The following TAOK1 variants were observed in gnomAD, a reference collection of about 807,000 sequenced individuals.
TAOK1 encodes serine/threonine-protein kinase TAO1.
Under a neutral mutation model 138.3 loss-of-function variants are expected in TAOK1, and 21 were observed. The observed-to-expected ratio is 0.15, with a 90% confidence interval of 0.11 to 0.22. TAOK1 has a LOEUF of 0.22. Ranked by LOEUF, TAOK1 falls within the 10% of genes least tolerant of loss-of-function variation. The pLI is 1.00. For synonymous variants in TAOK1, 361 were observed against 398.4 expected, an observed-to-expected ratio of 0.91 and a Z score of 1.12; for missense variants, 651 against 1,227.7, an observed-to-expected ratio of 0.53 and a Z score of 7.02.
At chr17:29,440,232 C>G (rs934269926) in intron 1 of TAOK1, among the ~76,000 whole-genome samples, 1 of 152,024 alleles carries the variant, frequency 6.6e-6, no homozygotes, top group Non-Finnish European at 1.5e-5. Context: ...CTAGAAAATT[C>G]TGGTAAGGAA....
chr17:29,468,497 C>T (rs1056062919), intron 3 of TAOK1, among the ~76,000 whole-genome samples: 1 of 151,504 alleles, frequency 6.6e-6, no homozygotes. Context: ...TTATCAGTTT[C>T]TAAAAAATTA....
intron 1 of TAOK1, among the ~76,000 whole-genome samples, chr17:29,423,545 A>T (rs1341118888): frequency 6.6e-6 from 1 of 151,990 alleles, no homozygotes; most frequent in Non-Finnish European, 1.5e-5. Flanking sequence ...TAATGTTATA[A>T]GATTTTCCTG....
At chr17:29,451,721 T>A (rs1322414896) in intron 2 of TAOK1, 41 bp downstream of exon 2, 7 of 1,596,414 alleles carry the variant, frequency 4.4e-6, no homozygotes, top group Non-Finnish European at 6.0e-6. Flanking sequence ...AAAATTTACT[T>A]AATGTCCACT....
chr17:29,533,457 G>A (rs1477348208), intron 18 of TAOK1, among the ~76,000 whole-genome samples: 32 of 151,272 alleles, frequency 2.1e-4, no homozygotes, highest in Non-Finnish European at 3.2e-4. Context: ...GGCAGAGGCT[G>A]CAATCTCGGC....
chr17:29,425,880 TTTG>T (rs1364203506), intron 1 of TAOK1, among the ~76,000 whole-genome samples: 2 of 152,038 alleles, frequency 1.3e-5, no homozygotes, highest in African/African-American at 4.8e-5. Context: ...TTTTGTTTGT[TTTG>T]TTTTGTTTTG....
chr17:29,504,209 G>A (rs1432092784), intron 13 of TAOK1, among the ~76,000 whole-genome samples: 2 of 148,072 alleles, frequency 1.4e-5, no homozygotes, highest in Admixed American at 6.8e-5. Flanking sequence ...CCCAAGAGAT[G>A]GAGGTTGCAG....
intron 12 of TAOK1, among the ~76,000 whole-genome samples, chr17:29,501,658 T>C (rs1413080457): frequency 1.3e-5 from 2 of 151,660 alleles, no homozygotes. Context: ...TTTAAAACAT[T>C]GACTATATTG....
intron 1 of TAOK1, among the ~76,000 whole-genome samples, chr17:29,418,232 A>G (rs911128716): frequency 6.6e-6 from 1 of 151,942 alleles, no homozygotes; most frequent in African/African-American, 2.4e-5. Flanking sequence ...TGCCGAAGCT[A>G]AAGTGCAGTG....
chr17:29,539,691 C>T (rs1445857031), intron 19 of TAOK1, among the ~76,000 whole-genome samples: 4 of 152,152 alleles, frequency 2.6e-5, no homozygotes, highest in African/African-American at 9.7e-5. Context: ...GTACCTCAGC[C>T]TCCCAAAGCT....
chr17:29,456,592 G>T (rs2030382710), intron 2 of TAOK1, among the ~76,000 whole-genome samples: 1 of 150,444 alleles, frequency 6.6e-6, no homozygotes, highest in African/African-American at 2.5e-5. Flanking sequence ...TGGATTTTCA[G>T]ACTGGGGATA....
chr17:29,484,830 C>G (rs1780391312), intron 8 of TAOK1, among the ~76,000 whole-genome samples: 1 of 152,254 alleles, frequency 6.6e-6, no homozygotes, highest in South Asian at 2.1e-4. Flanking sequence ...GTCTCCAACT[C>G]CTCACTTCAG....
chr17:29,418,255 C>T (rs1905317272), intron 1 of TAOK1, among the ~76,000 whole-genome samples: 1 of 152,138 alleles, frequency 6.6e-6, no homozygotes, highest in African/African-American at 2.4e-5. Context: ...GTGATTATAG[C>T]TCACTGAAAC....
intron 1 of TAOK1, among the ~76,000 whole-genome samples, chr17:29,412,181 T>C (rs1324242641): frequency 4.6e-5 from 7 of 152,196 alleles, no homozygotes; most frequent in African/African-American, 1.7e-4. Context: ...TAGCTGGGAC[T>C]ACAGGCATGC....
intron 1 of TAOK1, among the ~76,000 whole-genome samples, chr17:29,431,532 GAAA>G (rs1905831391): frequency 8.2e-5 from 2 of 24,326 alleles, no homozygotes; most frequent in African/African-American, 9.6e-4. Context: ...AGGCAACTCA[GAAA>G]GAAGATTGGC....
At chr17:29,488,672 A>G (rs1221433583) in intron 8 of TAOK1, among the ~76,000 whole-genome samples, 1 of 151,844 alleles carries the variant, frequency 6.6e-6, no homozygotes, top group Non-Finnish European at 1.5e-5. Context: ...TATGGTTGAA[A>G]TATTTCGGTT....
intron 17 of TAOK1, among the ~76,000 whole-genome samples, chr17:29,529,194 G>A (rs1401117533): frequency 2.6e-5 from 4 of 152,078 alleles, no homozygotes; most frequent in African/African-American, 9.7e-5. Context: ...AGGCTAGTCT[G>A]GAACTCCTGG....
intron 2 of TAOK1, among the ~76,000 whole-genome samples, chr17:29,464,251 C>T (rs1168780702): frequency 1.3e-5 from 2 of 150,686 alleles, no homozygotes; most frequent in African/African-American, 2.4e-5. Flanking sequence ...CTGGCTAACA[C>T]GATGAAACCC....
rs762765621 is a variant in TAOK1, at chr17:29,467,136, C to CT, written c.133-7dup. 5 of 1,570,874 alleles carry CT rather than the reference C, an allele frequency of 3.2e-6. No homozygotes were observed. Among genetic ancestry groups the CT allele is most frequent in the Non-Finnish European group, 4.3e-6 (5 of 1,158,416 alleles). On this transcript the variant is annotated splice_polypyrimidine_tract_variant and intron_variant, in intron 2 of 19. Transcript: ENST00000261716. ...TTTTACAGTGCTTCTTTCTTTCTTT[C>CT]TTCTTTAGGCACGAGATGTGCGTAC... is the stretch of plus-strand genomic sequence containing the variant.
At chr17:29,416,296 A>T (rs1019917432) in intron 1 of TAOK1, among the ~76,000 whole-genome samples, 2 of 152,010 alleles carry the variant, frequency 1.3e-5, no homozygotes, top group African/African-American at 4.8e-5. Context: ...TAGGGATTTT[A>T]TTGCAACATT....
Sources: allele counts gnomAD v4.1 joint callset (sites outside exome capture counted in the v4.1 genomes callset), GRCh38; gene constraint gnomAD v4.1.1; transcripts MANE v1.5; gene names NCBI Gene and HGNC (gene_info 2026-07-23, HGNC 2026-07-21).